Variants in ATP6V0E2 observed in about 807,000 individuals in gnomAD.
The protein encoded by ATP6V0E2 is V-type proton ATPase subunit e 2.
A neutral mutation model predicts 11.5 loss-of-function variants in ATP6V0E2; 4 were observed. That is an observed-to-expected ratio of 0.35 (90% CI 0.17 to 0.80). ATP6V0E2 has a LOEUF of 0.80. ATP6V0E2 is among the 30% of genes least tolerant of loss of function. ATP6V0E2 has a pLI of 0.53. For missense variants in ATP6V0E2, 93 were observed against 113.5 expected (o/e 0.82, Z 0.82); for synonymous variants, 52 against 51.0 (o/e 1.02, Z -0.09).
upstream of ATP6V0E2, chr7:149,873,813 G>T: frequency 7.1e-7 from 1 of 1,415,730 alleles, no homozygotes; most frequent in African/African-American, 1.5e-5. Flanking sequence ...GGGCGGCCGC[G>T]CCCCTATTCC....
Position 149,879,903 on chromosome 7 carries a change from C to G in ATP6V0E2, c.*588C>G, listed in dbSNP as rs915620349. 3.3e-5 allele frequency: 13 copies of G among 390,420 alleles called. No homozygotes were observed. Among genetic ancestry groups the G allele is most frequent in the African/African-American group, 2.5e-4 (12 of 48,410 alleles). 24.2% of individuals were successfully genotyped at this position (390,420 alleles called of 1,614,324 possible). The stretch of plus-strand genomic sequence containing the variant: ...ATTCACACACAAAAAGCAACATAGT[C>G]ATGTGGGTCCAGATGGCCTCAGTCC... On this transcript the variant is annotated 3_prime_UTR_variant, in exon 4 of 4. Coordinates refer to ENST00000425642, the MANE Select transcript of ATP6V0E2 (RefSeq NM_145230.4).
At chr7:149,873,820 T>C (rs1802961111), upstream of ATP6V0E2, 3 of 1,426,614 alleles carry the variant, frequency 2.1e-6, no homozygotes, top group African/African-American at 2.9e-5. Context: ...CGCGCCCCTA[T>C]TCCTCGGCAT....
At position 149,879,634 on chromosome 7, in the gene ATP6V0E2, T is replaced by G; in HGVS notation, c.*319T>G. On this transcript the variant is annotated 3_prime_UTR_variant, in exon 4 of 4. Coordinates refer to ENST00000425642, the MANE Select transcript of ATP6V0E2 (RefSeq NM_145230.4). ...GGGGAGCTGGTATGGGTGGGGTCTTTCCCTTTACAGACGGGGCAGATGCCA... is the reference window on the plus strand; with the variant it reads ...GGGGAGCTGGTATGGGTGGGGTCTTGCCCTTTACAGACGGGGCAGATGCCA... 6.9e-7 allele frequency: 1 copy of G among 1,459,070 alleles called. No homozygotes were observed. The highest frequency in any genetic ancestry group is 2.6e-5 in the East Asian group (1 of 38,982). 90.4% of individuals were successfully genotyped at this position (1,459,070 alleles called of 1,614,324 possible). A position where few individuals can be genotyped will look rare whatever the true frequency, so the allele number is the denominator to read the frequency against.
intron 2 of ATP6V0E2, 52 bp downstream of exon 2, chr7:149,875,697 C>T: frequency 6.4e-7 from 1 of 1,551,184 alleles, no homozygotes; most frequent in Non-Finnish European, 8.9e-7. Context: ...TGTCCTCCCT[C>T]CTTTCCTCCT....
chr7:149,873,732 T>G (rs1802956397), upstream of ATP6V0E2: 1 of 767,222 alleles, frequency 1.3e-6, no homozygotes, highest in Admixed American at 3.4e-5. Context: ...TCTTTGGAAA[T>G]AAGAATGCGG....
At chr7:149,878,438 C>T (rs535333238) in intron 2 of ATP6V0E2, among the ~76,000 whole-genome samples, 1 of 152,312 alleles carries the variant, frequency 6.6e-6, no homozygotes, top group African/African-American at 2.4e-5. Flanking sequence ...TCAGCCCCAA[C>T]TCGGGGATCC....
chr7:149,875,600 T>C lies in ATP6V0E2; in HGVS notation c.107T>C (p.Val36Ala). 3 of 1,613,688 alleles carry C rather than the reference T, an allele frequency of 1.9e-6. No homozygotes were observed. The highest frequency in any genetic ancestry group is 2.5e-6 in the Non-Finnish European group (3 of 1,179,830). ...ACCCGTGTCCTCTTCTGCTGCAGAG[T>C]GATCATCACCATGCTGGTCGCCACC... ...WFVPKGPNRG[V>A]IITMLVATAV... is the part of the protein sequence containing the mutation. Residue 36 changes from valine to alanine, a missense_variant and splice_region_variant, in exon 2 of 4, where the codon GTG becomes GCG. Physicochemically the swap from Val to Ala is moderately conservative, Grantham distance 64. Coordinates refer to ENST00000425642, the MANE Select transcript of ATP6V0E2 (RefSeq NM_145230.4).
At chr7:149,876,376 T>C (rs1012639811) in intron 2 of ATP6V0E2, among the ~76,000 whole-genome samples, 3 of 151,816 alleles carry the variant, frequency 2.0e-5, no homozygotes, top group African/African-American at 7.3e-5. Context: ...ACTCCGACTC[T>C]AAAAAAAGAA....
In ATP6V0E2 at chr7:149,874,100, T is replaced by A; in HGVS notation, c.35T>A (p.Ile12Asn). The A allele has an allele frequency of 6.5e-7, 1 of 1,549,996 alleles. No homozygotes were observed. The highest frequency in any genetic ancestry group is 8.7e-7 in the Non-Finnish European group (1 of 1,146,602). ...TAHSFALPVIIFTTFWGLVGI... is the reference protein window; with the variant it reads ...TAHSFALPVINFTTFWGLVGI... ...CACTCATTCGCCCTCCCGGTCATCA[T>A]CTTCACCACGTTCTGGGGCCTCGTC... is the stretch of plus-strand genomic sequence containing the variant. Residue 12 changes from isoleucine to asparagine, a missense_variant, in exon 1 of 4, where the codon ATC becomes AAC. Transcript: ENST00000425642.
chr7:149,879,397 C>T lies in ATP6V0E2; in HGVS notation c.*82C>T. The T allele has an allele frequency of 1.9e-6, 3 of 1,600,244 alleles. No homozygotes were observed. Among genetic ancestry groups the T allele is most frequent in the South Asian group, 1.1e-5 (1 of 88,678 alleles). On this transcript the variant is annotated 3_prime_UTR_variant, in exon 4 of 4. Coordinates refer to ENST00000425642, the MANE Select transcript of ATP6V0E2 (RefSeq NM_145230.4). ...CTGACAACCCCTTCGTCCGGACCCT[C>T]CCCCACACAACTATGTCTGGTCACC...
chr7:149,873,941 G>A (rs770907259), upstream of ATP6V0E2: 1 of 1,540,620 alleles, frequency 6.5e-7, no homozygotes, highest in Admixed American at 1.9e-5. Flanking sequence ...GGCCCGGCCC[G>A]GCTGATCGCT....
At chr7:149,877,688 G>A (rs1803224917) in intron 2 of ATP6V0E2, among the ~76,000 whole-genome samples, 1 of 151,888 alleles carries the variant, frequency 6.6e-6, no homozygotes, top group South Asian at 2.1e-4. Flanking sequence ...GGGCCTCAGA[G>A]GGGCTTGTGT....
Position 149,876,245 on chromosome 7 carries a change from G to A in ATP6V0E2, c.152+600G>A, listed in dbSNP as rs569648280. 8.7e-4 allele frequency among the ~76,000 whole-genome samples: 133 copies of A among 152,280 alleles called. 1 individual carries two copies. The highest frequency in any genetic ancestry group is 1.5e-3 in the Non-Finnish European group (105 of 68,036). ...ACAAAAATTAGCCAGGCCTGGTGGC[G>A]CGTGCCTGTAGTCCCAGCTACTCAG... On this transcript the variant is annotated intron_variant, in intron 2 of 3. Transcript: ENST00000425642.
rs748211061 is a variant in ATP6V0E2 at position 149,874,131 on chromosome 7, C to A, written c.66C>A (p.Ile22=). 4.5e-6 allele frequency: 7 copies of A among 1,549,904 alleles called. No homozygotes were observed. In the South Asian group the frequency reaches 7.1e-5, roughly 16 times the overall value. Residue 22 remains isoleucine, a synonymous_variant, in exon 1 of 4, where the codon ATC becomes ATA. Coordinates refer to ENST00000425642, the MANE Select transcript of ATP6V0E2 (RefSeq NM_145230.4). ...IFTTFWGLVG[I]AGPWFVPKGP... ...CCACGTTCTGGGGCCTCGTCGGCAT[C>A]GCCGGGCCCTGGTTCGTGCCGAAGG... is the stretch of plus-strand genomic sequence containing the variant.
chr7:149,875,719 G>T, intron 2 of ATP6V0E2, 74 bp downstream of exon 2: 1 of 1,437,226 alleles, frequency 7.0e-7, no homozygotes, highest in Non-Finnish European at 9.7e-7. Flanking sequence ...ACCCTAGCCT[G>T]CTCTTCCTTC....
At chr7:149,873,512 G>C (rs1563134753), upstream of ATP6V0E2, 1 of 165,378 alleles carries the variant, frequency 6.0e-6, no homozygotes, top group Non-Finnish European at 1.3e-5. Context: ...CGCGTGCTGA[G>C]GACCCGGCCA....
At chr7:149,875,903 G>A (rs1271199469) in intron 2 of ATP6V0E2, 2 of 669,054 alleles carry the variant, frequency 3.0e-6, no homozygotes, top group East Asian at 2.9e-5. Flanking sequence ...ACCTGGGCAA[G>A]GAAGGAGGCA....
chr7:149,873,826 G>C, upstream of ATP6V0E2: 5 of 1,430,842 alleles, frequency 3.5e-6, no homozygotes, highest in Non-Finnish European at 4.6e-6. Context: ...CCTATTCCTC[G>C]GCATTTCTCT....
At chr7:149,876,021 C>T in intron 2 of ATP6V0E2, 1 of 478,530 alleles carries the variant, frequency 2.1e-6, no homozygotes, top group South Asian at 1.5e-5. Flanking sequence ...TCGAGATCTG[C>T]ACTTGGGAAT....
Sources: allele counts gnomAD v4.1 joint callset (sites outside exome capture counted in the v4.1 genomes callset), GRCh38; gene constraint gnomAD v4.1.1; transcripts MANE v1.5; gene names NCBI Gene and HGNC (gene_info 2026-07-23, HGNC 2026-07-21).